KMT2C: variants seen among roughly 807,000 people sequenced by gnomAD.
The protein encoded by KMT2C is histone-lysine N-methyltransferase 2C.
Under a neutral mutation model 507.9 loss-of-function variants are expected in KMT2C, and 88 were observed. The ratio of observed to expected loss-of-function variants is 0.17; its 90% confidence interval spans 0.15 to 0.21. The LOEUF (loss-of-function observed/expected upper bound fraction) is 0.21. Among genes scored for constraint, KMT2C ranks in the 10% least tolerant of loss-of-function variants. KMT2C has a pLI of 1.00. For synonymous variants in KMT2C, 2,049 were observed against 2,080.8 expected (o/e 0.98, Z 0.42); for missense variants, 4,954 against 5,957.8 (o/e 0.83, Z 5.55).
chr7:152,136,726 A>T lies in KMT2C; in HGVS notation c.*106T>A. The T allele has an allele frequency of 2.4e-6, 2 of 827,324 alleles. No individual in the cohort carries two copies. Among genetic ancestry groups the T allele is most frequent in the South Asian group, 2.9e-5 (2 of 68,190 alleles). The allele number at this position is 827,324 out of a possible 1,614,324, so 51.2% of individuals were successfully genotyped here. On this transcript the variant is annotated 3_prime_UTR_variant, in exon 59 of 59. Coordinates refer to ENST00000262189, the MANE Select transcript of KMT2C (RefSeq NM_170606.3). ...CTCCCAGAAGCTTTTTCAAAAAGTC[A>T]TAAAACAGAAAACAAAAATCTCTTT...
chr7:152,368,744 A>G (rs1257448310), intron 1 of KMT2C: 1 of 964,490 alleles, frequency 1.0e-6, no homozygotes, highest in African/African-American at 1.6e-5. Context: ...TTTGACCAAT[A>G]TGCACCAGTT....
rs368883644 is a variant in KMT2C at position 152,377,690 on chromosome 7, G to A, written c.162-19015C>T. On this transcript the variant is annotated intron_variant, in intron 1 of 58. Transcript: ENST00000262189. ...GCAGAGGTTGCACTAAACCAAGATC[G>A]CACCACTGCACTCCAGCCAGGGCGA... is the stretch of plus-strand genomic sequence containing the variant. Among the ~76,000 whole-genome samples, 137 of 139,224 alleles carry A rather than the reference G, an allele frequency of 9.8e-4. 1 individual carries two copies. The highest frequency in any genetic ancestry group is 3.6e-3 in the African/African-American group (129 of 35,626). The allele number at this position is 139,224 out of a possible 152,430, so 91.3% of individuals were successfully genotyped here.
rs2097664728 is a variant in KMT2C at position 152,410,029 on chromosome 7, C to T, written c.161+25597G>A. ...GGGGATATTATTTATTCTCATTACTCTTAAATCAACCAACTTCCAAATCCA... is the reference window on the plus strand; with the variant it reads ...GGGGATATTATTTATTCTCATTACTTTTAAATCAACCAACTTCCAAATCCA... On this transcript the variant is annotated intron_variant, in intron 1 of 58. Transcript: ENST00000262189. Among the ~76,000 whole-genome samples, 3 of 152,398 alleles carry T rather than the reference C, an allele frequency of 2.0e-5. No individual in the cohort carries two copies. The East Asian group carries it at 5.8e-4, about 29-fold the overall frequency.
intron 2 of KMT2C, among the ~76,000 whole-genome samples, chr7:152,341,956 A>G (rs1179744686): frequency 6.6e-6 from 1 of 152,206 alleles, no homozygotes; most frequent in African/African-American, 2.4e-5. Flanking sequence ...ATAAAGGCAT[A>G]TGTAGGGTTT....
chr7:152,388,214 T>C (rs111710674), intron 1 of KMT2C, among the ~76,000 whole-genome samples: 4,087 of 101,080 alleles, frequency 0.04, no homozygotes, highest in Middle Eastern at 0.14. Context: ...TTTATACATC[T>C]ATTTACAAGT....
At chr7:152,315,432 T>C in intron 3 of KMT2C, 94 bp from the exon 4 acceptor site, 3 of 836,254 alleles carry the variant, frequency 3.6e-6, no homozygotes, top group Non-Finnish European at 5.8e-6. Flanking sequence ...TTTTAAATTA[T>C]GTCTAAAGCA....
chr7:152,353,148 G>A (rs1211258206), intron 2 of KMT2C, among the ~76,000 whole-genome samples: 1 of 152,192 alleles, frequency 6.6e-6, no homozygotes, highest in Non-Finnish European at 1.5e-5. Context: ...TTCTCAGCTG[G>A]GTGTGGTGGC....
chr7:152,249,797 G>A, intron 13 of KMT2C, 79 bp downstream of exon 13: 2 of 756,320 alleles, frequency 2.6e-6, no homozygotes, highest in Non-Finnish European at 4.6e-6. Context: ...TATACATACA[G>A]CAATCGCAAA....
chr7:152,315,305 T>C lies in KMT2C; in HGVS notation c.423A>G (p.Glu141=), dbSNP rs1224824647. 6.8e-6 allele frequency: 11 copies of C among 1,613,910 alleles called. No individual in the cohort carries two copies. In the Admixed American group the frequency reaches 8.3e-5, roughly 12 times the overall value. The change falls in exon 4 of 59, where the codon GAA becomes GAG. Residue 141 remains glutamate, a synonymous_variant. Coordinates refer to ENST00000262189, the MANE Select transcript of KMT2C (RefSeq NM_170606.3). ...EQLCAFCYCG[E]KSSLGQGDLK... ...AGTCTCCTTGTCCTAAGGAACTTTTTTCCCCACAGTAACAAAAAGCGCAGA... is the reference window on the plus strand; with the variant it reads ...AGTCTCCTTGTCCTAAGGAACTTTTCTCCCCACAGTAACAAAAAGCGCAGA...
At chr7:152,330,523 C>T in intron 3 of KMT2C, 78 bp downstream of exon 3, 1 of 1,392,932 alleles carries the variant, frequency 7.2e-7, no homozygotes. Context: ...AACTCATACT[C>T]CTTGAATTTT....
chr7:152,175,322 A>T (rs1563247770), intron 38 of KMT2C, among the ~76,000 whole-genome samples: 2 of 150,212 alleles, frequency 1.3e-5, no homozygotes, highest in Non-Finnish European at 3.0e-5. Flanking sequence ...ATTTTTTGTT[A>T]TTTTTTTTTA....
At chr7:152,224,312 G>A (rs1588366237) in intron 19 of KMT2C, 123 bp downstream of exon 19, 1 of 1,268,634 alleles carries the variant, frequency 7.9e-7, no homozygotes, top group East Asian at 2.4e-5. Context: ...TCTGATTACT[G>A]GTATCTATCA....
At chr7:152,435,035 G>C (rs1290539630) in intron 1 of KMT2C, among the ~76,000 whole-genome samples, 1 of 152,124 alleles carries the variant, frequency 6.6e-6, no homozygotes, top group Admixed American at 6.5e-5. Context: ...GGAGGAAGAA[G>C]TCAAATGGCT....
intron 4 of KMT2C, among the ~76,000 whole-genome samples, chr7:152,314,329 G>C (rs1225613475): frequency 6.6e-6 from 1 of 152,154 alleles, no homozygotes; most frequent in Admixed American, 6.5e-5. Context: ...TCAAGAGGCA[G>C]TGTTAGCTTT....
rs143544942 is a variant in KMT2C at position 152,309,999 on chromosome 7, G to A, written c.816C>T (p.Asn272=). ...VCQMEEPLLV[N]VDKAVVSGST... ...TCCCTGAGACAACAGCTTTGTCCAC[G>A]TTCACTAACAATGGTTCTTCCATCT... The change falls in exon 6 of 59, where the codon AAC becomes AAT. Residue 272 remains asparagine, a synonymous_variant. Transcript: ENST00000262189. 2.0e-4 allele frequency: 319 copies of A among 1,613,016 alleles called. No homozygotes were observed. The African/African-American group carries it at 2.9e-3, about 15-fold the overall frequency.
intron 23 of KMT2C, among the ~76,000 whole-genome samples, chr7:152,219,699 C>G (rs2094705210): frequency 6.6e-6 from 1 of 151,912 alleles, no homozygotes. Context: ...CAACAGTAAT[C>G]CTCTTTAACT....
chr7:152,184,974 T>G (rs1204758838), intron 34 of KMT2C, among the ~76,000 whole-genome samples: 1 of 152,176 alleles, frequency 6.6e-6, no homozygotes, highest in Non-Finnish European at 1.5e-5. Flanking sequence ...CAGGCTGGTC[T>G]TGAACTCCTG....
At chr7:152,392,614 C>T (rs563831807) in intron 1 of KMT2C, among the ~76,000 whole-genome samples, 8 of 152,304 alleles carry the variant, frequency 5.3e-5, no homozygotes, top group Admixed American at 2.0e-4. Flanking sequence ...AAAGTCACAT[C>T]AGAACCACCA....
chr7:152,156,992 A>ATC (rs2129100207), intron 44 of KMT2C, among the ~76,000 whole-genome samples: 1 of 152,360 alleles, frequency 6.6e-6, no homozygotes, highest in South Asian at 2.1e-4. Flanking sequence ...CACCATGCAA[A>ATC]TCAAGTGCAA....
Sources: gnomAD v4.1 joint callset for allele counts (sites outside exome capture counted in the v4.1 genomes callset) on GRCh38, gnomAD v4.1.1 for gene constraint, MANE v1.5 for transcripts, NCBI Gene and HGNC (gene_info 2026-07-23, HGNC 2026-07-21) for gene names.